The following CCDC158 variants were observed in gnomAD, a reference collection of about 807,000 sequenced individuals.
CCDC158 encodes the protein coiled-coil domain containing 158, also known as coiled-coil domain-containing protein 158.
A neutral mutation model predicts 138.6 loss-of-function variants in CCDC158; 116 were observed. That is an observed-to-expected ratio of 0.84 (90% CI 0.72 to 0.98). The LOEUF is 0.98. CCDC158 is among the 50% of genes least tolerant of loss of function. The pLI is 0.00. For missense variants in CCDC158, 1,265 were observed against 1,306.1 expected (o/e 0.97, Z 0.48); for synonymous variants, 436 against 442.4 (o/e 0.99, Z 0.18).
At chr4:76,366,182 G>A (rs1578986125) in intron 12 of CCDC158, among the ~76,000 whole-genome samples, 1 of 152,216 alleles carries the variant, frequency 6.6e-6, no homozygotes, top group East Asian at 1.9e-4. Context: ...CTGTTCTAAG[G>A]GTTTCATTGT....
chr4:76,395,773 G>A lies in CCDC158; in HGVS notation c.288+496C>T, dbSNP rs192294938. Among the ~76,000 whole-genome samples the A allele has an allele frequency of 1.3e-3, 198 of 152,280 alleles. 1 individual carries two copies. The highest frequency in any genetic ancestry group is 3.4e-3 in the Middle Eastern group (1 of 294). Reference sequence around the variant, plus strand: ...TGACTTTTAGACTGTTAACTACTGGGACCAAATATGCAATTGTAAAGCCAG... The same window carrying A: ...TGACTTTTAGACTGTTAACTACTGGAACCAAATATGCAATTGTAAAGCCAG... On this transcript the variant is annotated intron_variant, in intron 4 of 24. Transcript: ENST00000682701.
chr4:76,322,332 C>T (rs1388089379), intron 24 of CCDC158, among the ~76,000 whole-genome samples: 1 of 152,070 alleles, frequency 6.6e-6, no homozygotes, highest in East Asian at 1.9e-4. Flanking sequence ...GAGGCCAAGT[C>T]CCCGATCTAC....
chr4:76,325,748 C>A lies in CCDC158; in HGVS notation c.3169+109G>T. ...TTAAATTACACAGAATCAGTTAGAG[C>A]TTACACATAAGAGCAGCATGCAAAA... On this transcript the variant is annotated intron_variant, in intron 23 of 24. Transcript: ENST00000682701. 1.7e-5 allele frequency: 14 copies of A among 844,538 alleles called. No individual in the cohort carries two copies. The South Asian group carries it at 2.3e-4, about 14-fold the overall frequency. 52.3% of individuals were successfully genotyped at this position (844,538 alleles called of 1,614,324 possible). A position where few individuals can be genotyped will look rare whatever the true frequency, so the allele number is the denominator to read the frequency against.
At chr4:76,420,631 C>G (rs1236397584) in intron 1 of CCDC158, among the ~76,000 whole-genome samples, 11 of 152,206 alleles carry the variant, frequency 7.2e-5, no homozygotes, top group African/African-American at 2.2e-4. Context: ...ATCTCCTCCC[C>G]CTGTTCGCGG....
chr4:76,323,175 T>G (rs1208957950), intron 24 of CCDC158, 127 bp downstream of exon 24: 6 of 648,288 alleles, frequency 9.3e-6, no homozygotes, highest in Non-Finnish European at 1.1e-5. Flanking sequence ...ACCCTTATAT[T>G]TAGACTTCAG....
intron 4 of CCDC158, among the ~76,000 whole-genome samples, chr4:76,387,937 C>A (rs545714389): frequency 6.7e-6 from 1 of 149,566 alleles, no homozygotes; most frequent in Non-Finnish European, 1.5e-5. Flanking sequence ...CATTTGAACC[C>A]GGGAGGGAGA....
intron 1 of CCDC158, among the ~76,000 whole-genome samples, chr4:76,419,306 T>A (rs747040496): frequency 2.0e-5 from 3 of 151,126 alleles, no homozygotes; most frequent in Non-Finnish European, 4.4e-5. Context: ...TGTACCCCAC[T>A]ATTGCCCCAG....
Position 76,313,109 on chromosome 4 carries a change from T to G in CCDC158, c.*61A>C. On this transcript the variant is annotated 3_prime_UTR_variant, in exon 25 of 25. Coordinates refer to ENST00000682701, the MANE Select transcript of CCDC158 (RefSeq NM_001394954.1). ...AAGAAAAAGTACACAGGGCACTAAT[T>G]ACGAGTAACACCACAATTAATTGGG... 1 of 1,065,996 alleles carries G rather than the reference T, an allele frequency of 9.4e-7. No homozygotes were observed. Among genetic ancestry groups the G allele is most frequent in the South Asian group, 1.5e-5 (1 of 65,974 alleles). 66.0% of individuals were successfully genotyped at this position (1,065,996 alleles called of 1,614,324 possible).
At chr4:76,394,945 T>C (rs1270713190) in intron 4 of CCDC158, among the ~76,000 whole-genome samples, 3 of 152,018 alleles carry the variant, frequency 2.0e-5, no homozygotes, top group African/African-American at 7.2e-5. Flanking sequence ...AAGGAGGATA[T>C]AGAAAATCTA....
chr4:76,364,525 T>C (rs77976395), intron 12 of CCDC158, among the ~76,000 whole-genome samples: 3,784 of 152,296 alleles, frequency 0.025, 151 homozygotes, highest in African/African-American at 0.086. Context: ...GTTGTATTGA[T>C]TATAATATTA....
At chr4:76,370,372 G>T (rs1341275206) in intron 10 of CCDC158, among the ~76,000 whole-genome samples, 2 of 152,306 alleles carry the variant, frequency 1.3e-5, no homozygotes, top group African/African-American at 2.4e-5. Context: ...CTGTGTGTTT[G>T]CTTGGTGCAC....
At chr4:76,414,781 A>G (rs1431530372) in intron 1 of CCDC158, among the ~76,000 whole-genome samples, 5 of 152,182 alleles carry the variant, frequency 3.3e-5, no homozygotes, top group East Asian at 1.9e-4. Flanking sequence ...TGCCTCCTTC[A>G]TGATTCTGAA....
At chr4:76,332,126 G>C (rs1460800829) in intron 20 of CCDC158, among the ~76,000 whole-genome samples, 1 of 152,016 alleles carries the variant, frequency 6.6e-6, no homozygotes, top group Non-Finnish European at 1.5e-5. Flanking sequence ...AGTTATGTAA[G>C]CCATTGTAAA....
rs79501946 is a variant in CCDC158, at chr4:76,413,153, A to T, written c.-116-1021T>A. Among the ~76,000 whole-genome samples, 1,256 of 152,090 alleles carry T rather than the reference A, an allele frequency of 8.3e-3. 13 individuals are homozygous for T. Among genetic ancestry groups the T allele is most frequent in the Middle Eastern group, 0.02 (6 of 294 alleles). ...TATACCGAAATGATAAACCACCAAG[A>T]TTTTTGGAATATCTCGGTGGAATGT... On this transcript the variant is annotated intron_variant, in intron 1 of 24. Coordinates refer to ENST00000682701, the MANE Select transcript of CCDC158 (RefSeq NM_001394954.1).
At position 76,367,759 on chromosome 4, in the gene CCDC158, T is replaced by C; in HGVS notation, c.1365A>G (p.Gly455=). The part of the protein sequence containing the change: ...QMERQMAAIQ[G]KNESLEKVSS... ...ATACTTTTTCTAGACTTTCATTCTTTCCTTGAATTGCTGCCATCTGATTGT... is the reference window on the plus strand; with the variant it reads ...ATACTTTTTCTAGACTTTCATTCTTCCCTTGAATTGCTGCCATCTGATTGT... Residue 455 remains glycine (G), a synonymous_variant, in exon 12 of 25, where the codon GGA becomes GGG. Transcript: ENST00000682701. 1 of 1,601,202 alleles carries C rather than the reference T, an allele frequency of 6.2e-7. No individual in the cohort carries two copies. The highest frequency in any genetic ancestry group is 1.3e-5 in the African/African-American group (1 of 74,662).
chr4:76,375,760 C>T, intron 9 of CCDC158: 1 of 583,440 alleles, frequency 1.7e-6, no homozygotes, highest in Non-Finnish European at 3.0e-6. Context: ...CTTTTGTAAG[C>T]TACGAAAGCT....
In CCDC158 at chr4:76,353,194, A is replaced by C; in HGVS notation, c.2374T>G (p.Leu792Val). ...CGTTCCTGAGATCGCAGAACTTCCA[A>C]CTCCCCAGCCATCTTGTTTTTTTCT... ...ATEKNKMAGE[L>V]EVLRSQERRL... is the part of the protein sequence containing the mutation. The change falls in exon 16 of 25, where the codon TTG becomes GTG. Residue 792 changes from leucine to valine, a missense_variant. By Grantham distance (32) the Leu-to-Val change is conservative. Coordinates refer to ENST00000682701, the MANE Select transcript of CCDC158 (RefSeq NM_001394954.1). 6.2e-7 allele frequency: 1 copy of C among 1,613,570 alleles called. No homozygotes were observed. Among genetic ancestry groups the C allele is most frequent in the South Asian group, 1.1e-5 (1 of 91,010 alleles).
At chr4:76,331,205 A>G in intron 21 of CCDC158, 139 bp downstream of exon 21, 1 of 665,510 alleles carries the variant, frequency 1.5e-6, no homozygotes, top group South Asian at 2.8e-5. Flanking sequence ...TTGAGGACAG[A>G]GCCCATATCT....
intron 3 of CCDC158, among the ~76,000 whole-genome samples, chr4:76,397,211 G>GAAAAA (rs375388366): frequency 2.0e-5 from 3 of 146,418 alleles, no homozygotes; most frequent in African/African-American, 7.5e-5. Context: ...CTTAATTTTG[G>GAAAAA]AAAAAAAAAA....
Sources: gnomAD v4.1 joint callset for allele counts (sites outside exome capture counted in the v4.1 genomes callset) on GRCh38, gnomAD v4.1.1 for gene constraint, MANE v1.5 for transcripts, NCBI Gene and HGNC (gene_info 2026-07-23, HGNC 2026-07-21) for gene names.